The following GTF2IRD1 variants were observed in gnomAD, a reference collection of about 807,000 sequenced individuals.
GTF2IRD1 encodes GTF2I repeat domain containing 1, also known as general transcription factor II-I repeat domain-containing protein 1.
In GTF2IRD1, 26 loss-of-function variants were observed where a neutral mutation model predicts 113.2. That is an observed-to-expected ratio of 0.23 (90% CI 0.17 to 0.32). The LOEUF is 0.32. Ranked by LOEUF, GTF2IRD1 falls within the 10% of genes least tolerant of loss-of-function variation. The pLI, the probability that GTF2IRD1 is intolerant of heterozygous loss-of-function variation, is 1.00. For synonymous variants in GTF2IRD1, 484 were observed against 529.1 expected (o/e 0.91, Z 1.17); for missense variants, 864 against 1,280.8 (o/e 0.67, Z 4.97).
At chr7:74,582,843 A>T (rs1391036312) in intron 22 of GTF2IRD1, among the ~76,000 whole-genome samples, 1 of 151,960 alleles carries the variant, frequency 6.6e-6, no homozygotes, top group East Asian at 1.9e-4. Context: ...CTCACGATTT[A>T]AAAAAATGTA....
At chr7:74,511,065 A>G (rs10252087) in intron 2 of GTF2IRD1, among the ~76,000 whole-genome samples, 10,694 of 151,598 alleles carry the variant, frequency 0.071, 1,164 homozygotes, top group African/African-American at 0.24. Context: ...AAAAAAAAAA[A>G]GTTCTACTTG....
intron 9 of GTF2IRD1, among the ~76,000 whole-genome samples, chr7:74,530,574 G>A (rs1797904498): frequency 9.5e-6 from 1 of 104,878 alleles, no homozygotes; most frequent in Non-Finnish European, 1.8e-5. Flanking sequence ...GTCAGAGCAA[G>A]GCCCTGTTTC....
At chr7:74,550,630 A>G (rs1799253103) in intron 17 of GTF2IRD1, among the ~76,000 whole-genome samples, 1 of 151,698 alleles carries the variant, frequency 6.6e-6, no homozygotes, top group African/African-American at 2.4e-5. Flanking sequence ...CATTCCGTCC[A>G]GGCGTGATGG....
intron 1 of GTF2IRD1, among the ~76,000 whole-genome samples, chr7:74,474,213 C>T (rs1044660547): frequency 2.0e-5 from 3 of 152,160 alleles, no homozygotes; most frequent in Non-Finnish European, 4.4e-5. Flanking sequence ...CACTGCACTC[C>T]AGCCTGGGCA....
chr7:74,472,811 G>C (rs1260623802), intron 1 of GTF2IRD1, among the ~76,000 whole-genome samples: 1 of 152,196 alleles, frequency 6.6e-6, no homozygotes, highest in African/African-American at 2.4e-5. Context: ...CTTGGTCTGG[G>C]CCTCCTTGCC....
intron 1 of GTF2IRD1, among the ~76,000 whole-genome samples, chr7:74,476,513 G>A (rs1216244735): frequency 2.6e-5 from 4 of 152,020 alleles, no homozygotes; most frequent in East Asian, 3.9e-4. Flanking sequence ...ACAGGTGCAC[G>A]CCACCAGGCT....
chr7:74,527,836 A>C (rs1050808980), intron 8 of GTF2IRD1, among the ~76,000 whole-genome samples: 2 of 152,162 alleles, frequency 1.3e-5, no homozygotes, highest in Non-Finnish European at 2.9e-5. Flanking sequence ...GCAAGACTCC[A>C]TCAGGGAAAA....
chr7:74,518,016 T>C, intron 4 of GTF2IRD1, 123 bp from the exon 5 acceptor site: 1 of 590,670 alleles, frequency 1.7e-6, no homozygotes, highest in African/African-American at 1.9e-5. Context: ...TTATGAGGGG[T>C]CCATGGGAAC....
rs115329084 is a variant in GTF2IRD1, at chr7:74,466,772, C to T, written c.-7+12596C>T. The stretch of plus-strand genomic sequence containing the variant: ...CCCTCGTGCTTGTCTGTCACCTTCA[C>T]AGACAGAGTGTGACTTCCAGTGGGT... On this transcript the variant is annotated intron_variant, in intron 1 of 26. Coordinates refer to ENST00000424337, the MANE Select transcript of GTF2IRD1 (RefSeq NM_005685.4). Among the ~76,000 whole-genome samples the T allele has an allele frequency of 8.0e-3, 1,221 of 152,192 alleles. 24 individuals are homozygous for T. The highest frequency in any genetic ancestry group is 0.027 in the African/African-American group (1,130 of 41,512).
intron 1 of GTF2IRD1, among the ~76,000 whole-genome samples, chr7:74,494,275 A>C (rs1460626671): frequency 6.6e-6 from 1 of 152,194 alleles, no homozygotes; most frequent in Admixed American, 6.6e-5. Flanking sequence ...TTCTAAATAA[A>C]AAGTTAGCAG....
rs201385500 is a variant in GTF2IRD1, at chr7:74,557,660, C to T, written c.2045C>T (p.Ser682Leu). The T allele has an allele frequency of 6.2e-6, 10 of 1,613,450 alleles. No individual in the cohort carries two copies. The highest frequency in any genetic ancestry group is 2.2e-5 in the East Asian group (1 of 44,872). Residue 682 changes from serine (S) to leucine (L), a missense_variant, in exon 20 of 27, where the codon TCA (serine) becomes TTA (leucine). By Grantham distance (145) the Ser-to-Leu change is moderately radical. Coordinates refer to ENST00000424337, the MANE Select transcript of GTF2IRD1 (RefSeq NM_005685.4). ...GFQENYDARLSRIDIANTLRE... is the reference protein window; with the variant it reads ...GFQENYDARLLRIDIANTLRE... ...GCAGAAAATTATGACGCGAGGCTCT[C>T]ACGGATCGACATCGCCAACACACTA... is the stretch of plus-strand genomic sequence containing the variant.
At chr7:74,573,730 G>T (rs945946897) in intron 22 of GTF2IRD1, among the ~76,000 whole-genome samples, 2 of 152,140 alleles carry the variant, frequency 1.3e-5, no homozygotes, top group Middle Eastern at 3.2e-3. Flanking sequence ...TTCCAGCCTT[G>T]TGGGGAGGGG....
intron 2 of GTF2IRD1, among the ~76,000 whole-genome samples, chr7:74,509,209 T>C (rs1040568028): frequency 3.3e-5 from 5 of 151,966 alleles, no homozygotes; most frequent in Non-Finnish European, 5.9e-5. Flanking sequence ...ATATAAAAAT[T>C]AGCTGGGCCT....
intron 1 of GTF2IRD1, among the ~76,000 whole-genome samples, chr7:74,491,315 T>TC (rs1554336646): frequency 7.7e-6 from 1 of 129,156 alleles, no homozygotes. Context: ...AAAATTCTTT[T>TC]TTTTTTTTTT....
chr7:74,600,807 C>T (rs1554373732), intron 25 of GTF2IRD1, among the ~76,000 whole-genome samples: 2 of 152,092 alleles, frequency 1.3e-5, no homozygotes, highest in Admixed American at 1.3e-4. Flanking sequence ...TTAGCAAAGG[C>T]AGGCAGGCCA....
chr7:74,535,021 C>T (rs1162683931), intron 9 of GTF2IRD1, 92 bp from the exon 10 acceptor site: 2 of 1,023,632 alleles, frequency 2.0e-6, no homozygotes, highest in Non-Finnish European at 3.1e-6. Flanking sequence ...ACTCAGTGAC[C>T]ATCACCAAAG....
At chr7:74,514,815 TAGCTCACACCTGTAATCCC>T (rs1796832352) in intron 3 of GTF2IRD1, among the ~76,000 whole-genome samples, 1 of 151,916 alleles carries the variant, frequency 6.6e-6, no homozygotes, top group South Asian at 2.1e-4. Flanking sequence ...CCGGGCATGG[TAGCTCACACCTGTAATCCC>T]AGCACTTTGG....
At chr7:74,583,296 C>G (rs1218925114) in intron 22 of GTF2IRD1, among the ~76,000 whole-genome samples, 3 of 151,954 alleles carry the variant, frequency 2.0e-5, no homozygotes, top group African/African-American at 7.3e-5. Flanking sequence ...TCAAGCAATC[C>G]TCCCACCTCA....
chr7:74,467,285 C>T lies in GTF2IRD1; in HGVS notation c.-7+13109C>T, dbSNP rs565321119. 2.4e-4 allele frequency among the ~76,000 whole-genome samples: 36 copies of T among 152,246 alleles called. No individual in the cohort carries two copies. The East Asian group carries it at 6.6e-3, about 28-fold the overall frequency. On this transcript the variant is annotated intron_variant, in intron 1 of 26. Coordinates refer to ENST00000424337, the MANE Select transcript of GTF2IRD1 (RefSeq NM_005685.4). The stretch of plus-strand genomic sequence containing the variant: ...TTCAATCCCAGCTCTCGTTGGCGCT[C>T]CTCTACCCATCCCAGGAGCTGCTTC...
Sources: allele counts gnomAD v4.1 joint callset (sites outside exome capture counted in the v4.1 genomes callset), GRCh38; gene constraint gnomAD v4.1.1; transcripts MANE v1.5; gene names NCBI Gene and HGNC (gene_info 2026-07-23, HGNC 2026-07-21).